The following FBXW8 variants were observed in gnomAD, a reference collection of about 807,000 sequenced individuals.
FBXW8 encodes the protein F-box and WD repeat domain containing 8, also known as F-box/WD repeat-containing protein 8.
Under a neutral mutation model 65.3 loss-of-function variants are expected in FBXW8, and 57 were observed. That is an observed-to-expected ratio of 0.87 (90% confidence interval 0.71 to 1.09). The LOEUF (loss-of-function observed/expected upper bound fraction) is 1.09, where lower values mean the gene tolerates loss of function less well. FBXW8 is among the 50% of genes least tolerant of loss of function. The probability of loss-of-function intolerance (pLI) is 0.00; values close to 1 mark genes in which losing one functional copy is unlikely to be tolerated. For synonymous variants in FBXW8, 308 were observed against 330.2 expected (o/e 0.93, Z 0.73); for missense variants, 777 against 814.8 (o/e 0.95, Z 0.57).
chr12:117,005,670 A>AG (rs1400822757), intron 7 of FBXW8, among the ~76,000 whole-genome samples: 1 of 152,234 alleles, frequency 6.6e-6, no homozygotes, highest in Non-Finnish European at 1.5e-5. Flanking sequence ...AGCACTGACC[A>AG]GGGGAATGGG....
intron 7 of FBXW8, among the ~76,000 whole-genome samples, chr12:116,990,776 T>C (rs1953220067): frequency 6.6e-6 from 1 of 152,206 alleles, no homozygotes; most frequent in Non-Finnish European, 1.5e-5. Context: ...CCTCTCAAAA[T>C]TTCCAACTCA....
intron 2 of FBXW8, among the ~76,000 whole-genome samples, chr12:116,944,289 AG>A: frequency 6.6e-6 from 1 of 152,248 alleles, no homozygotes; most frequent in African/African-American, 2.4e-5. Context: ...GCTGTTATGG[AG>A]GAGCAGGTCT....
chr12:116,924,143 A>C (rs10774891), intron 1 of FBXW8, among the ~76,000 whole-genome samples: 116,756 of 152,076 alleles, frequency 0.77, 46,265 homozygotes, highest in Non-Finnish European at 0.86. Flanking sequence ...TTCTGAAATG[A>C]CAGGTTGTCC....
intron 8 of FBXW8, among the ~76,000 whole-genome samples, chr12:117,017,339 G>C (rs1271029250): frequency 6.6e-6 from 1 of 152,172 alleles, no homozygotes; most frequent in Non-Finnish European, 1.5e-5. Flanking sequence ...TCAGTCCGAA[G>C]GGCTTGTTAA....
chr12:116,974,284 G>A (rs1051329127), intron 5 of FBXW8, among the ~76,000 whole-genome samples: 1 of 152,210 alleles, frequency 6.6e-6, no homozygotes, highest in Non-Finnish European at 1.5e-5. Context: ...GGAAATACCT[G>A]GATCAGGGAA....
At chr12:117,004,542 C>T (rs555579287) in intron 7 of FBXW8, among the ~76,000 whole-genome samples, 1 of 152,164 alleles carries the variant, frequency 6.6e-6, no homozygotes, top group South Asian at 2.1e-4. Context: ...GGCTTGGATT[C>T]TTTTAGCCTT....
intron 1 of FBXW8, among the ~76,000 whole-genome samples, chr12:116,923,661 C>T (rs901735202): frequency 1.8e-4 from 28 of 151,782 alleles, no homozygotes; most frequent in African/African-American, 6.5e-4. Context: ...GTAGCTGGGA[C>T]TACAGGCGCC....
At chr12:116,929,646 GCT>G in intron 2 of FBXW8, among the ~76,000 whole-genome samples, 1 of 152,096 alleles carries the variant, frequency 6.6e-6, no homozygotes, top group Non-Finnish European at 1.5e-5. Context: ...TTGTGGAATG[GCT>G]CAGTTGAGGT....
rs184376446 is a variant in FBXW8 at position 117,021,803 on chromosome 12, G to A, written c.1368-2344G>A. Among the ~76,000 whole-genome samples the A allele has an allele frequency of 1.5e-3, 233 of 152,098 alleles. 1 individual carries two copies. The highest frequency in any genetic ancestry group is 2.0e-3 in the Non-Finnish European group (137 of 68,008). On this transcript the variant is annotated intron_variant, in intron 8 of 10. Transcript: ENST00000652555. ...TAATTGTGTCTGGTTTTTAAAAAGC[G>A]ATGTGAAGTAATGGTGGTGCCAGTG... is the stretch of plus-strand genomic sequence containing the variant.
At chr12:116,953,429 A>C (rs1883411293) in intron 4 of FBXW8, among the ~76,000 whole-genome samples, 1 of 152,154 alleles carries the variant, frequency 6.6e-6, no homozygotes, top group Non-Finnish European at 1.5e-5. Flanking sequence ...AGCTTTGGCT[A>C]TTATAGCATC....
At chr12:117,027,548 C>T in intron 10 of FBXW8, 44 bp downstream of exon 10, 1 of 1,476,410 alleles carries the variant, frequency 6.8e-7, no homozygotes, top group Non-Finnish European at 9.4e-7. Flanking sequence ...CTTAGTTTGA[C>T]TGATGTATAG....
At chr12:117,027,939 A>G in intron 10 of FBXW8, 89 bp from the exon 11 acceptor site, 1 of 1,549,698 alleles carries the variant, frequency 6.5e-7, no homozygotes, top group African/African-American at 1.4e-5. Context: ...ATCTGGTCTC[A>G]GGCGAACGCC....
At position 116,910,995 on chromosome 12, in the gene FBXW8, C is replaced by G. The variant is rs781173634; in HGVS notation, c.-43C>G. On this transcript the variant is annotated 5_prime_UTR_variant, in exon 1 of 11. Transcript: ENST00000652555. ...CCTGGGCGGGACTGTCTCGTGGCACCCGGTGGAACCGAGGAGAACGTGGAG... is the reference window on the plus strand; with the variant it reads ...CCTGGGCGGGACTGTCTCGTGGCACGCGGTGGAACCGAGGAGAACGTGGAG... 1 of 1,349,198 alleles carries G rather than the reference C, an allele frequency of 7.4e-7. No individual in the cohort carries two copies. Among genetic ancestry groups the G allele is most frequent in the Non-Finnish European group, 9.5e-7 (1 of 1,055,714 alleles). The allele number at this position is 1,349,198 out of a possible 1,614,324, so 83.6% of individuals were successfully genotyped here.
intron 4 of FBXW8, among the ~76,000 whole-genome samples, chr12:116,958,614 C>T (rs1037652300): frequency 9.2e-5 from 14 of 152,186 alleles, no homozygotes; most frequent in Non-Finnish European, 1.9e-4. Context: ...CTGGTGTTTA[C>T]AGAACACTCT....
Position 116,945,441 on chromosome 12 carries a change from G to A in FBXW8, c.501G>A (p.Pro167=), listed in dbSNP as rs1387382624. Residue 167 remains proline (P), a synonymous_variant, in exon 3 of 11, where the codon CCG becomes CCA. Transcript: ENST00000652555. ...YRLCQQEGHL[P]DSSISDYSCW... ...TGTGCCAGCAGGAAGGGCACCTTCC[G>A]GATAGCAGCATCTCTGACTATTCTT... 3.7e-6 allele frequency: 6 copies of A among 1,614,058 alleles called. No individual in the cohort carries two copies. The highest frequency in any genetic ancestry group is 3.3e-5 in the Admixed American group (2 of 60,024).
chr12:117,015,081 C>T lies in FBXW8; in HGVS notation c.1367+4631C>T, dbSNP rs543364499. On this transcript the variant is annotated intron_variant, in intron 8 of 10. Coordinates refer to ENST00000652555, the MANE Select transcript of FBXW8 (RefSeq NM_153348.3). ...AACCCTCACCCCTATTCTTTGAGGA[C>T]GGCAGGGGCCCCCTTTTGTTCCTCT... Among the ~76,000 whole-genome samples, 242 of 152,270 alleles carry T rather than the reference C, an allele frequency of 1.6e-3. 1 individual carries two copies. Among genetic ancestry groups the T allele is most frequent in the Middle Eastern group, 6.8e-3 (2 of 294 alleles).
chr12:117,016,131 T>C (rs1332492560), intron 8 of FBXW8, among the ~76,000 whole-genome samples: 1 of 152,252 alleles, frequency 6.6e-6, no homozygotes, highest in East Asian at 1.9e-4. Context: ...ACTGTTATCA[T>C]TTATGTGTAA....
chr12:116,929,926 A>G (rs1330291132), intron 2 of FBXW8, among the ~76,000 whole-genome samples: 2 of 152,224 alleles, frequency 1.3e-5, no homozygotes, highest in African/African-American at 2.4e-5. Context: ...AAGTGAGATC[A>G]TGCAATATTT....
rs1467525969 is a variant in FBXW8 at position 116,928,071 on chromosome 12, T to C, written c.367T>C (p.Leu123=). The C allele has an allele frequency of 6.2e-7, 1 of 1,612,450 alleles. No homozygotes were observed. Among genetic ancestry groups the C allele is most frequent in the Non-Finnish European group, 8.5e-7 (1 of 1,179,370 alleles). ...CTTTGATATCCAACTGCCTTACGAATTGGCAATCAATATATTTCAGTATCT... is the reference window on the plus strand; with the variant it reads ...CTTTGATATCCAACTGCCTTACGAACTGGCAATCAATATATTTCAGTATCT... ...PFFDIQLPYE[L]AINIFQYLDR... The change falls in exon 2 of 11, where the codon TTG becomes CTG. Residue 123 remains leucine (L), a synonymous_variant. Transcript: ENST00000652555.
Sources: allele counts gnomAD v4.1 joint callset (sites outside exome capture counted in the v4.1 genomes callset), GRCh38; gene constraint gnomAD v4.1.1; transcripts MANE v1.5; gene names NCBI Gene and HGNC (gene_info 2026-07-23, HGNC 2026-07-21).